FBXO24: variants seen among roughly 807,000 people sequenced by gnomAD.
FBXO24 encodes the protein F-box protein 24.
A neutral mutation model predicts 63.5 loss-of-function variants in FBXO24; 30 were observed. That is an observed-to-expected ratio of 0.47 (90% confidence interval 0.35 to 0.64). The LOEUF (loss-of-function observed/expected upper bound fraction) is 0.64. Among genes scored for constraint, FBXO24 ranks in the 30% least tolerant of loss-of-function variants. FBXO24 has a pLI of 0.00. For missense variants in FBXO24, 624 were observed against 763.4 expected (o/e 0.82, Z 2.15); for synonymous variants, 300 against 305.0 (o/e 0.98, Z 0.17).
At chr7:100,599,911 G>A in intron 8 of FBXO24, 120 bp from the exon 9 acceptor site, 1 of 1,154,720 alleles carries the variant, frequency 8.7e-7, no homozygotes, top group Non-Finnish European at 1.2e-6. Flanking sequence ...GGACAGTGCT[G>A]GCTCCCATTT....
intron 1 of FBXO24, chr7:100,589,774 G>T (rs1386191284): frequency 1.3e-6 from 2 of 1,537,452 alleles, no homozygotes; most frequent in East Asian, 4.9e-5. Flanking sequence ...AGGCTGTGTG[G>T]ACGGGAGGAG....
At chr7:100,597,086 C>T (rs895909380) in intron 8 of FBXO24, among the ~76,000 whole-genome samples, 1 of 152,118 alleles carries the variant, frequency 6.6e-6, no homozygotes, top group Non-Finnish European at 1.5e-5. Flanking sequence ...AAACGTCTAG[C>T]TGGCAATTAG....
intron 8 of FBXO24, among the ~76,000 whole-genome samples, chr7:100,596,885 A>G (rs1802332625): frequency 1.3e-5 from 2 of 152,128 alleles, no homozygotes; most frequent in South Asian, 4.1e-4. Flanking sequence ...TCTAGAAAAA[A>G]TAAAAAATTA....
Position 100,586,592 on chromosome 7 carries a change from T to C in FBXO24, c.-34T>C. 6.2e-7 allele frequency: 1 copy of C among 1,613,740 alleles called. No individual in the cohort carries two copies. The highest frequency in any genetic ancestry group is 8.5e-7 in the Non-Finnish European group (1 of 1,179,634). On this transcript the variant is annotated 5_prime_UTR_variant, in exon 1 of 10. Coordinates refer to ENST00000241071, the MANE Select transcript of FBXO24 (RefSeq NM_033506.3). ...CCTCCGAAGGGAATCTGGACCTGCC[T>C]CTTCTCTGAGGGACGGCTCTACCTA... is the stretch of plus-strand genomic sequence containing the variant.
At chr7:100,598,387 C>T (rs972775752) in intron 8 of FBXO24, among the ~76,000 whole-genome samples, 53 of 152,048 alleles carry the variant, frequency 3.5e-4, no homozygotes, top group Non-Finnish European at 4.4e-5. Flanking sequence ...AGAATTAAAG[C>T]GCTAACAGGC....
In FBXO24 at chr7:100,594,087, AC is replaced by A. The variant is rs1372701362; in HGVS notation, c.794-294del. ...CAGGTGTGAGCCACCACACTTGACCACCTCTAAACTTCTGAATGCCAGGCAG... is the reference window on the plus strand; with the variant it reads ...CAGGTGTGAGCCACCACACTTGACCACTCTAAACTTCTGAATGCCAGGCAG... On this transcript the variant is annotated intron_variant, in intron 5 of 9. Coordinates refer to ENST00000241071, the MANE Select transcript of FBXO24 (RefSeq NM_033506.3). This position sits in a 1 kb window ranked among gnomAD's most constrained non-coding sequence, Gnocchi z 4.2. Among the ~76,000 whole-genome samples the A allele has an allele frequency of 1.3e-5, 2 of 151,926 alleles. No individual in the cohort carries two copies. Among genetic ancestry groups the A allele is most frequent in the Admixed American group, 6.6e-5 (1 of 15,246 alleles).
At chr7:100,586,977 C>T (rs1801789671) in intron 1 of FBXO24, among the ~76,000 whole-genome samples, 1 of 152,270 alleles carries the variant, frequency 6.6e-6, no homozygotes, top group East Asian at 1.9e-4. Context: ...GTAGGTGCAG[C>T]GTTGCACGGT....
intron 1 of FBXO24, chr7:100,589,682 T>C: frequency 6.5e-7 from 1 of 1,537,570 alleles, no homozygotes; most frequent in East Asian, 2.5e-5. Flanking sequence ...GCCAAGGGCC[T>C]AGGAGACAGG....
chr7:100,588,115 G>C (rs548177876), intron 1 of FBXO24, among the ~76,000 whole-genome samples: 147 of 152,088 alleles, frequency 9.7e-4, no homozygotes, highest in Non-Finnish European at 1.7e-3. Flanking sequence ...CTGGGCTCAA[G>C]CAATGCTCCC....
chr7:100,590,408 C>T, intron 3 of FBXO24, 51 bp downstream of exon 3: 1 of 1,548,874 alleles, frequency 6.5e-7, no homozygotes, highest in Non-Finnish European at 8.8e-7. Context: ...CCCGCCTTAG[C>T]CTTCCTGCTC....
intron 7 of FBXO24, 27 bp from the exon 8 acceptor site, chr7:100,595,548 C>G: frequency 6.4e-7 from 1 of 1,558,856 alleles, no homozygotes; most frequent in South Asian, 1.2e-5. Flanking sequence ...AATGGAATCC[C>G]TATCCCCTTT....
chr7:100,586,743 G>C (rs41280983), intron 1 of FBXO24, 79 bp downstream of exon 1: 814 of 1,521,490 alleles, frequency 5.4e-4, no homozygotes, highest in Non-Finnish European at 6.9e-4. Context: ...CGCCGCTGCA[G>C]TGGCGAGTGC....
Position 100,591,812 on chromosome 7 carries a change from C to T in FBXO24, c.468C>T (p.Phe156=), listed in dbSNP as rs944931444. ...VFILDYVGTL[F]FLKNALVSTL... ...TTCTTGACTACGTGGGGACCCTCTT[C>T]TTCCTCAAAAATGCCCTGGTCTCCA... The change falls in exon 4 of 10, where the codon TTC becomes TTT. Residue 156 remains phenylalanine (F), a synonymous_variant. Transcript: ENST00000241071. 3 of 1,614,266 alleles carry T rather than the reference C, an allele frequency of 1.9e-6. No homozygotes were observed. Among genetic ancestry groups the T allele is most frequent in the Non-Finnish European group, 2.5e-6 (3 of 1,180,046 alleles).
In FBXO24 at chr7:100,590,280, T is replaced by G. The variant is rs1801951071; in HGVS notation, c.245T>G (p.Ile82Ser). The change falls in exon 3 of 10, where the codon ATC becomes AGC. Residue 82 changes from isoleucine (I) to serine (S), a missense_variant. Transcript: ENST00000241071. ...GATGGGGAAGGCGTGTGGAGACGCATCTGTCGCAGACTCAGTCCGCGCCTC... is the reference window on the plus strand; with the variant it reads ...GATGGGGAAGGCGTGTGGAGACGCAGCTGTCGCAGACTCAGTCCGCGCCTC... ...VCDGEGVWRR[I>S]CRRLSPRLQD... 1.9e-6 allele frequency: 3 copies of G among 1,614,182 alleles called. No individual in the cohort carries two copies. Among genetic ancestry groups the G allele is most frequent in the Non-Finnish European group, 2.5e-6 (3 of 1,180,030 alleles).
At chr7:100,595,518 C>G in intron 7 of FBXO24, 57 bp from the exon 8 acceptor site, 7 of 1,518,616 alleles carry the variant, frequency 4.6e-6, no homozygotes, top group Non-Finnish European at 6.2e-6. Context: ...GACTCTGGAA[C>G]TCAGAGTTCC....
At chr7:100,596,036 G>A (rs974182564) in intron 8 of FBXO24, among the ~76,000 whole-genome samples, 8 of 152,174 alleles carry the variant, frequency 5.3e-5, no homozygotes, top group Non-Finnish European at 8.8e-5. Context: ...CCGACACTTT[G>A]GGAGGCCGAG....
In FBXO24 at chr7:100,598,830, T is replaced by A. The variant is rs544716122; in HGVS notation, c.1207-1201T>A. On this transcript the variant is annotated intron_variant, in intron 8 of 9. Coordinates refer to ENST00000241071, the MANE Select transcript of FBXO24 (RefSeq NM_033506.3). ...CGTCTCTACTAAAATACAAAAGAAATTAGCCAGGTGTGGCGGTGTGCACCC... is the reference window on the plus strand; with the variant it reads ...CGTCTCTACTAAAATACAAAAGAAAATAGCCAGGTGTGGCGGTGTGCACCC... Among the ~76,000 whole-genome samples, 18 of 151,492 alleles carry A rather than the reference T, an allele frequency of 1.2e-4. No individual in the cohort carries two copies. The East Asian group carries it at 3.4e-3, about 28-fold the overall frequency.
At position 100,600,928 on chromosome 7, in the gene FBXO24, G is replaced by A. The variant is rs928337395; in HGVS notation, c.*29G>A. ...CCCTCATGCTAGCCTAGTCCCTGGA[G>A]GAGGGAGTCCGGCCCCAGGCCAGGG... On this transcript the variant is annotated 3_prime_UTR_variant, in exon 10 of 10. Coordinates refer to ENST00000241071, the MANE Select transcript of FBXO24 (RefSeq NM_033506.3). The surrounding 1 kb of genome is among the most constrained non-coding windows in gnomAD (Gnocchi z 6.3). 6.3e-6 allele frequency: 10 copies of A among 1,595,746 alleles called. No homozygotes were observed. Among genetic ancestry groups the A allele is most frequent in the African/African-American group, 5.4e-5 (4 of 74,476 alleles).
rs752642749 is a variant in FBXO24, at chr7:100,589,820, G to A, written c.40-157G>A. ...TGAGGGGGATTGGCCGCAGGAGATCGGGAGGAGTTATTTGGAGAAGTTAGG... is the reference window on the plus strand; with the variant it reads ...TGAGGGGGATTGGCCGCAGGAGATCAGGAGGAGTTATTTGGAGAAGTTAGG... On this transcript the variant is annotated intron_variant, in intron 1 of 9. Transcript: ENST00000241071. The A allele has an allele frequency of 8.6e-6, 13 of 1,515,718 alleles. No homozygotes were observed. In the Admixed American group the frequency reaches 2.4e-4, roughly 28 times the overall value. The allele number at this position is 1,515,718 out of a possible 1,614,324, so 93.9% of individuals were successfully genotyped here. A position where few individuals can be genotyped will look rare whatever the true frequency, so the allele number is the denominator to read the frequency against.
Sources: gnomAD v4.1 joint callset for allele counts (sites outside exome capture counted in the v4.1 genomes callset) on GRCh38, gnomAD v4.1.1 for gene constraint, Gnocchi (gnomAD v3.1) non-coding constraint, MANE v1.5 for transcripts, NCBI Gene and HGNC (gene_info 2026-07-23, HGNC 2026-07-21) for gene names.